Variants in MINDY4 observed in about 807,000 individuals in gnomAD.
MINDY4 encodes the protein MINDY lysine 48 deubiquitinase 4, also known as probable ubiquitin carboxyl-terminal hydrolase MINDY-4.
MINDY4 carries 68 observed loss-of-function variants against 87.0 expected under a neutral mutation model. That is an observed-to-expected ratio of 0.78 (90% CI 0.64 to 0.96). MINDY4 has a LOEUF of 0.96. Ranked by LOEUF, MINDY4 falls within the 40% of genes least tolerant of loss-of-function variation. MINDY4 has a pLI of 0.00. For synonymous variants in MINDY4, 379 were observed against 363.2 expected (o/e 1.04, Z -0.50); for missense variants, 919 against 928.2 (o/e 0.99, Z 0.13).
Position 30,859,311 on chromosome 7 carries a change from A to G in MINDY4, c.1732A>G (p.Arg578Gly), listed in dbSNP as rs780007326. The G allele has an allele frequency of 3.1e-6, 5 of 1,614,054 alleles. No individual in the cohort carries two copies. In the South Asian group the frequency reaches 5.5e-5, roughly 18 times the overall value. ...ILLTLSAILS[R>G]STELIRQDFD... Reference sequence around the variant, plus strand: ...GCTCACCCTTTCTGCCATCCTGTCCAGGTCTACAGAGCTGTGAGTATCTTT... The same window carrying G: ...GCTCACCCTTTCTGCCATCCTGTCCGGGTCTACAGAGCTGTGAGTATCTTT... The change falls in exon 13 of 18, where the codon AGG (arginine) becomes GGG (glycine). Residue 578 changes from arginine to glycine, a missense_variant. Physicochemically the swap from Arg to Gly is moderately radical, Grantham distance 125. Coordinates refer to ENST00000265299, the MANE Select transcript of MINDY4 (RefSeq NM_032222.3).
intron 13 of MINDY4, 109 bp from the exon 14 acceptor site, chr7:30,872,134 G>A: frequency 9.8e-7 from 1 of 1,025,128 alleles, no homozygotes; most frequent in Non-Finnish European, 1.5e-6. Flanking sequence ...CACCAAATCT[G>A]GAATTCTGGG....
intron 12 of MINDY4, 106 bp downstream of exon 12, chr7:30,853,565 G>T (rs760649883): frequency 2.3e-4 from 228 of 1,003,058 alleles, no homozygotes; most frequent in Non-Finnish European, 3.4e-4. Context: ...GTCCCACCCT[G>T]GGATGGCGAG....
At chr7:30,853,535 A>C (rs562622268) in intron 12 of MINDY4, 76 bp downstream of exon 12, 602 of 1,296,470 alleles carry the variant, frequency 4.6e-4, no homozygotes, top group Non-Finnish European at 6.1e-4. Flanking sequence ...AATGCTGTGA[A>C]CTGGAGTTGT....
Position 30,882,311 on chromosome 7 carries a change from A to G in MINDY4, c.2102A>G (p.Tyr701Cys), listed in dbSNP as rs1790488785. 6.2e-7 allele frequency: 1 copy of G among 1,612,626 alleles called. No homozygotes were observed. The highest frequency in any genetic ancestry group is 1.3e-5 in the African/African-American group (1 of 74,890). ...DWRTERLFDL[Y>C]YYDGLANQQE... ...AGGACTGAGAGGCTCTTTGACTTGT[A>G]CTACTACGATGGCCTGGCCAACCAG... The change falls in exon 16 of 18, where the codon TAC (tyrosine) becomes TGC (cysteine). Residue 701 changes from tyrosine (Y) to cysteine (C), a missense_variant. By Grantham distance (194) the Tyr-to-Cys change is radical. Coordinates refer to ENST00000265299, the MANE Select transcript of MINDY4 (RefSeq NM_032222.3).
chr7:30,856,596 A>AAC (rs1181981697), intron 12 of MINDY4, among the ~76,000 whole-genome samples: 2 of 151,976 alleles, frequency 1.3e-5, no homozygotes, highest in Admixed American at 1.3e-4. Flanking sequence ...CGGAAGGGGA[A>AAC]ACAGACCACA....
At chr7:30,851,175 G>A (rs914952815) in intron 10 of MINDY4, among the ~76,000 whole-genome samples, 10 of 152,220 alleles carry the variant, frequency 6.6e-5, no homozygotes, top group Admixed American at 5.9e-4. Context: ...CAGCTGTGAG[G>A]CTAAGCGGTA....
chr7:30,815,220 C>A (rs1161018526), intron 5 of MINDY4, among the ~76,000 whole-genome samples: 1 of 152,244 alleles, frequency 6.6e-6, no homozygotes, highest in Non-Finnish European at 1.5e-5. Context: ...CTGTCAGAAC[C>A]TTCCCTTTTG....
At chr7:30,839,081 C>T (rs1788955670) in intron 7 of MINDY4, 119 bp from the exon 8 acceptor site, 6 of 618,432 alleles carry the variant, frequency 9.7e-6, no homozygotes, top group Admixed American at 2.8e-5. Context: ...ATGAACCATG[C>T]TAGAAAATGG....
rs148125105 is a variant in MINDY4 at position 30,771,729 on chromosome 7, C to T, written c.63+173C>T. ...TCCCGGGACAGGGGAAACTACATTTCCCACGAGGCGTTTCTGCCGTCGTCA... is the reference window on the plus strand; with the variant it reads ...TCCCGGGACAGGGGAAACTACATTTTCCACGAGGCGTTTCTGCCGTCGTCA... On this transcript the variant is annotated intron_variant, in intron 1 of 17. Transcript: ENST00000265299. Among the ~76,000 whole-genome samples the T allele has an allele frequency of 3.1e-3, 470 of 152,370 alleles. 3 individuals are homozygous for T. Among genetic ancestry groups the T allele is most frequent in the African/African-American group, 0.011 (450 of 41,594 alleles).
chr7:30,874,976 G>T (rs929144194), intron 14 of MINDY4, among the ~76,000 whole-genome samples: 2 of 152,116 alleles, frequency 1.3e-5, no homozygotes, highest in Non-Finnish European at 2.9e-5. Flanking sequence ...AAATAAAAAG[G>T]TTTCTTTAAA....
chr7:30,771,518 G>A lies in MINDY4; in HGVS notation c.25G>A (p.Val9Met). Residue 9 changes from valine to methionine, a missense_variant, in exon 1 of 18, where the codon GTG (valine) becomes ATG (methionine). By Grantham distance (21) the Val-to-Met change is conservative. Coordinates refer to ENST00000265299, the MANE Select transcript of MINDY4 (RefSeq NM_032222.3). ...CATGGACAGCCTCTTCGTGGAGGAG[G>A]TGGCCGCCTCCTTGGTCAGGGAGTT... MDSLFVEE[V>M]AASLVREFLS... is the part of the protein sequence containing the mutation. The A allele has an allele frequency of 6.2e-7, 1 of 1,605,818 alleles. No individual in the cohort carries two copies. The highest frequency in any genetic ancestry group is 1.1e-5 in the South Asian group (1 of 88,496).
intron 9 of MINDY4, among the ~76,000 whole-genome samples, chr7:30,847,799 G>A (rs1789271203): frequency 6.6e-6 from 1 of 152,156 alleles, no homozygotes; most frequent in Admixed American, 6.5e-5. Context: ...GAATGCAGTG[G>A]CACGATCATG....
intron 10 of MINDY4, among the ~76,000 whole-genome samples, chr7:30,851,061 C>T (rs1193272462): frequency 1.3e-5 from 2 of 152,202 alleles, no homozygotes; most frequent in Non-Finnish European, 2.9e-5. Context: ...TTATCCTGAC[C>T]CGCATCGTCT....
chr7:30,879,265 A>G (rs1018605168), intron 15 of MINDY4, among the ~76,000 whole-genome samples: 3 of 152,180 alleles, frequency 2.0e-5, no homozygotes, highest in Non-Finnish European at 4.4e-5. Context: ...CCTCCTAAGC[A>G]GAGGAGGTTA....
Position 30,810,340 on chromosome 7 carries a change from A to G in MINDY4, c.1074-18339A>G, listed in dbSNP as rs189791793. Among the ~76,000 whole-genome samples the G allele has an allele frequency of 6.7e-4, 95 of 140,950 alleles. 2 individuals are homozygous for G. The East Asian group carries it at 0.011, about 17-fold the overall frequency. The allele number at this position is 140,950 out of a possible 152,430, so 92.5% of individuals were successfully genotyped here. On this transcript the variant is annotated intron_variant, in intron 5 of 17. Transcript: ENST00000265299. ...AGCTAGGCCTCCTGAATGTAAAACT[A>G]TTGAAAAAAAAAAAAAAGTTTATGT...
intron 1 of MINDY4, among the ~76,000 whole-genome samples, chr7:30,772,026 G>C (rs186382976): frequency 3.3e-5 from 5 of 152,394 alleles, no homozygotes; most frequent in Non-Finnish European, 5.9e-5. Flanking sequence ...AGTCATTTTA[G>C]TCAACAGTGG....
intron 6 of MINDY4, among the ~76,000 whole-genome samples, chr7:30,829,796 G>A (rs1788640122): frequency 6.6e-6 from 1 of 152,186 alleles, no homozygotes; most frequent in African/African-American, 2.4e-5. Flanking sequence ...TGCACTTTAA[G>A]ATTTTGCAGT....
chr7:30,771,667 C>A, intron 1 of MINDY4, 111 bp downstream of exon 1: 1 of 1,014,518 alleles, frequency 9.9e-7, no homozygotes, highest in Non-Finnish European at 1.5e-6. Context: ...TCCCTACCTA[C>A]TGCCTGCTCC....
intron 4 of MINDY4, among the ~76,000 whole-genome samples, chr7:30,789,756 T>C (rs879442445): frequency 1.3e-5 from 2 of 152,192 alleles, no homozygotes; most frequent in Non-Finnish European, 2.9e-5. Flanking sequence ...TCTGGAAATA[T>C]TGAGAGGTTC....
Sources: gnomAD v4.1 joint callset for allele counts (sites outside exome capture counted in the v4.1 genomes callset) on GRCh38, gnomAD v4.1.1 for gene constraint, MANE v1.5 for transcripts, NCBI Gene and HGNC (gene_info 2026-07-23, HGNC 2026-07-21) for gene names.